ZNF827: variants seen among roughly 807,000 people sequenced by gnomAD.
The protein encoded by ZNF827 is zinc finger protein 827.
ZNF827 carries 13 observed loss-of-function variants against 102.4 expected under a neutral mutation model. The observed-to-expected ratio is 0.13, with a 90% CI of 0.08 to 0.20. The LOEUF (loss-of-function observed/expected upper bound fraction) is 0.20. Among genes scored for constraint, ZNF827 ranks in the 10% least tolerant of loss-of-function variants. The pLI, the probability that ZNF827 is intolerant of heterozygous loss-of-function variation, is 1.00. For missense variants in ZNF827, 1,103 were observed against 1,344.4 expected (o/e 0.82, Z 2.81); for synonymous variants, 523 against 536.2 (o/e 0.98, Z 0.34).
chr4:145,765,253 C>T lies in ZNF827; in HGVS notation c.3053-88G>A. The T allele has an allele frequency of 7.2e-7, 1 of 1,387,480 alleles. No homozygotes were observed. The highest frequency in any genetic ancestry group is 1.5e-5 in the South Asian group (1 of 68,644). 85.9% of individuals were successfully genotyped at this position (1,387,480 alleles called of 1,614,324 possible). On this transcript the variant is annotated intron_variant, in intron 12 of 14. Coordinates refer to ENST00000508784, the MANE Select transcript of ZNF827 (RefSeq NM_001306215.2). The surrounding 1 kb of genome is among the most constrained non-coding windows in gnomAD (Gnocchi z 4.7). ...GAGCCAAGCTCCTCCCCACTTCCTC[C>T]CGCCTCCTCCGACGCCTGACAGCTA...
chr4:145,825,203 G>A (rs1212030978), intron 7 of ZNF827, among the ~76,000 whole-genome samples: 8 of 152,228 alleles, frequency 5.3e-5, no homozygotes, highest in Non-Finnish European at 1.0e-4. Context: ...CACCATGGGC[G>A]GGATGGACAG....
chr4:145,935,874 C>G (rs1194952200), intron 1 of ZNF827, among the ~76,000 whole-genome samples: 1 of 152,038 alleles, frequency 6.6e-6, no homozygotes, highest in African/African-American at 2.4e-5. Context: ...TGCAGCTGCC[C>G]GACTGCACTA....
intron 1 of ZNF827, among the ~76,000 whole-genome samples, chr4:145,926,236 A>G (rs912503896): frequency 6.6e-6 from 1 of 152,232 alleles, no homozygotes; most frequent in East Asian, 1.9e-4. Flanking sequence ...TTTAGGATGA[A>G]TAACAATTTA....
chr4:145,899,826 G>C (rs1403213328), intron 2 of ZNF827, among the ~76,000 whole-genome samples: 1 of 152,158 alleles, frequency 6.6e-6, no homozygotes, highest in African/African-American at 2.4e-5. Context: ...AATCAGCACA[G>C]GGTTCTATAA....
intron 6 of ZNF827, among the ~76,000 whole-genome samples, chr4:145,847,392 C>T (rs1215254413): frequency 6.6e-6 from 1 of 152,150 alleles, no homozygotes; most frequent in Middle Eastern, 3.2e-3. Flanking sequence ...TGCAACTGTT[C>T]CGCCTCTGAC....
intron 4 of ZNF827, among the ~76,000 whole-genome samples, chr4:145,871,383 C>G (rs1444003691): frequency 6.6e-6 from 1 of 152,192 alleles, no homozygotes; most frequent in African/African-American, 2.4e-5. Context: ...ACAGAGCTAA[C>G]TGGCCTATTA....
rs529410417 is a variant in ZNF827 at position 145,790,176 on chromosome 4, T to A, written c.2384-10665A>T. Among the ~76,000 whole-genome samples the A allele has an allele frequency of 5.9e-5, 9 of 152,318 alleles. No individual in the cohort carries two copies. The South Asian group carries it at 1.9e-3, about 32-fold the overall frequency. On this transcript the variant is annotated intron_variant, in intron 8 of 14. Transcript: ENST00000508784. ...AGCAAATCTTTAAATTCAAAAGTTA[T>A]CTTCTATAATTTACTATAAAATATG...
At chr4:145,806,899 G>C (rs924694925) in intron 8 of ZNF827, among the ~76,000 whole-genome samples, 1 of 152,154 alleles carries the variant, frequency 6.6e-6, no homozygotes, top group Non-Finnish European at 1.5e-5. Flanking sequence ...ATGGCGTGCA[G>C]TTCTTCTATC....
chr4:145,841,242 C>CT (rs1745385946), intron 7 of ZNF827, among the ~76,000 whole-genome samples: 1 of 152,180 alleles, frequency 6.6e-6, no homozygotes, highest in African/African-American at 2.4e-5. Flanking sequence ...CTGCCAGGAG[C>CT]TATCTGATTC....
At position 145,762,095 on chromosome 4, in the gene ZNF827, G is replaced by A. The variant is rs368137590; in HGVS notation, c.*18-497C>T. On this transcript the variant is annotated intron_variant, in intron 14 of 14. Transcript: ENST00000508784. This position sits in a 1 kb window ranked among gnomAD's most constrained non-coding sequence, Gnocchi z 4.9. Reference sequence around the variant, plus strand: ...TTAAAGAACAGCTTATAGGGGGAGCGCTACCTCCAGCAAACAGAAAGTCAC... The same window carrying A: ...TTAAAGAACAGCTTATAGGGGGAGCACTACCTCCAGCAAACAGAAAGTCAC... Among the ~76,000 whole-genome samples, 2 of 152,260 alleles carry A rather than the reference G, an allele frequency of 1.3e-5. No homozygotes were observed. Among genetic ancestry groups the A allele is most frequent in the East Asian group, 3.9e-4 (2 of 5,182 alleles).
intron 5 of ZNF827, among the ~76,000 whole-genome samples, chr4:145,850,875 C>A (rs140369301): frequency 6.6e-6 from 1 of 151,982 alleles, no homozygotes; most frequent in Non-Finnish European, 1.5e-5. Context: ...CTTGTGAATG[C>A]GAATGTGACT....
At chr4:145,851,843 C>A (rs1407995677) in intron 5 of ZNF827, among the ~76,000 whole-genome samples, 3 of 152,158 alleles carry the variant, frequency 2.0e-5, no homozygotes, top group Non-Finnish European at 4.4e-5. Context: ...GTCCAAGATA[C>A]ACGCTTAGCT....
intron 5 of ZNF827, among the ~76,000 whole-genome samples, chr4:145,864,971 G>T (rs1434525009): frequency 6.6e-6 from 1 of 152,098 alleles, no homozygotes; most frequent in Middle Eastern, 3.2e-3. Flanking sequence ...ATTTTCCAAG[G>T]GAAAATACCA....
chr4:145,839,992 C>T (rs181936261), intron 7 of ZNF827, among the ~76,000 whole-genome samples: 70 of 151,846 alleles, frequency 4.6e-4, no homozygotes, highest in African/African-American at 1.6e-3. Flanking sequence ...ATAGATGTCA[C>T]GAAGGGAGGA....
intron 8 of ZNF827, among the ~76,000 whole-genome samples, chr4:145,804,370 T>C (rs1560942772): frequency 6.6e-6 from 1 of 152,212 alleles, no homozygotes; most frequent in Non-Finnish European, 1.5e-5. Flanking sequence ...TCTCACTCCC[T>C]ATCTCAGCAA....
intron 7 of ZNF827, among the ~76,000 whole-genome samples, chr4:145,838,556 C>T (rs1398312117): frequency 6.6e-6 from 1 of 152,058 alleles, no homozygotes; most frequent in Non-Finnish European, 1.5e-5. Context: ...GGGGGGGACC[C>T]TTGATATTCA....
chr4:145,810,816 T>C (rs780773626), intron 8 of ZNF827, among the ~76,000 whole-genome samples: 12 of 152,214 alleles, frequency 7.9e-5, no homozygotes, highest in Non-Finnish European at 1.6e-4. Flanking sequence ...TTCCTACCTA[T>C]GTGCATTTAG....
At chr4:145,860,897 A>G (rs978174043) in intron 5 of ZNF827, among the ~76,000 whole-genome samples, 10 of 152,224 alleles carry the variant, frequency 6.6e-5, no homozygotes, top group African/African-American at 2.4e-4. Flanking sequence ...TGAAATTTCT[A>G]TTCTTGGGCT....
intron 1 of ZNF827, among the ~76,000 whole-genome samples, chr4:145,937,143 T>C (rs1754244743): frequency 6.7e-6 from 1 of 150,286 alleles, no homozygotes; most frequent in South Asian, 2.1e-4. Flanking sequence ...GACTGGGGGG[T>C]TGGGGGGAGC....
Sources: allele counts gnomAD v4.1 joint callset (sites outside exome capture counted in the v4.1 genomes callset), GRCh38; gene constraint gnomAD v4.1.1; non-coding constraint Gnocchi (gnomAD v3.1); transcripts MANE v1.5; gene names NCBI Gene and HGNC (gene_info 2026-07-23, HGNC 2026-07-21).